Variants in SGCZ observed in about 807,000 individuals in gnomAD.
The protein encoded by SGCZ is zeta-sarcoglycan.
A neutral mutation model predicts 41.3 loss-of-function variants in SGCZ; 40 were observed. The observed-to-expected ratio is 0.97, with a 90% CI of 0.75 to 1.26. The LOEUF (loss-of-function observed/expected upper bound fraction) is 1.26. Among genes scored for constraint, SGCZ ranks in the 50% most tolerant of loss-of-function variants. SGCZ has a pLI of 0.00. For synonymous variants in SGCZ, 206 were observed against 137.5 expected (o/e 1.50, Z -3.49); for missense variants, 552 against 369.8 (o/e 1.49, Z -4.04).
At chr8:14,659,106 A>G (rs1807667496) in intron 1 of SGCZ, among the ~76,000 whole-genome samples, 1 of 152,182 alleles carries the variant, frequency 6.6e-6, no homozygotes, top group Non-Finnish European at 1.5e-5. Flanking sequence ...TTCTGTTAGT[A>G]TTTAAATCAA....
intron 1 of SGCZ, among the ~76,000 whole-genome samples, chr8:14,718,497 C>G (rs1279160033): frequency 2.0e-5 from 3 of 152,128 alleles, no homozygotes; most frequent in African/African-American, 7.2e-5. Flanking sequence ...TCAATGATAA[C>G]TATAAAGAAG....
chr8:14,533,202 T>C (rs1195864413), intron 2 of SGCZ, among the ~76,000 whole-genome samples: 1 of 151,698 alleles, frequency 6.6e-6, no homozygotes, highest in Non-Finnish European at 1.5e-5. Context: ...TATCCAAGTG[T>C]TCTCATTGTT....
intron 1 of SGCZ, among the ~76,000 whole-genome samples, chr8:15,228,409 G>A (rs1286447631): frequency 6.6e-6 from 1 of 152,154 alleles, no homozygotes; most frequent in Non-Finnish European, 1.5e-5. Flanking sequence ...AACTATGACT[G>A]AGGCATCGAC....
intron 2 of SGCZ, among the ~76,000 whole-genome samples, chr8:14,505,651 C>T (rs1390328528): frequency 6.6e-6 from 1 of 152,108 alleles, no homozygotes; most frequent in African/African-American, 2.4e-5. Context: ...TTCTCTAGGA[C>T]AGAATTTAAA....
intron 1 of SGCZ, among the ~76,000 whole-genome samples, chr8:15,133,681 T>G (rs1416195319): frequency 1.3e-5 from 2 of 152,168 alleles, no homozygotes; most frequent in Admixed American, 1.3e-4. Context: ...ATAATGCCCA[T>G]GTAATTTAAC....
Position 14,640,829 on chromosome 8 carries a change from C to A in SGCZ, c.40-85903G>T, listed in dbSNP as rs1807000319. ...TCTCATCTTTTCTGATAGCTGGAGC[C>A]CCTGCAAGTTCTGAATACTCTGGGT... On this transcript the variant is annotated intron_variant, in intron 1 of 7. Coordinates refer to ENST00000382080, the MANE Select transcript of SGCZ (RefSeq NM_139167.4). Among the ~76,000 whole-genome samples the A allele has an allele frequency of 3.3e-5, 5 of 151,702 alleles. No individual in the cohort carries two copies. In the South Asian group the frequency reaches 1.0e-3, roughly 31 times the overall value.
At chr8:14,597,024 C>T (rs565308779) in intron 1 of SGCZ, among the ~76,000 whole-genome samples, 40 of 152,292 alleles carry the variant, frequency 2.6e-4, no homozygotes, top group Middle Eastern at 3.4e-3. Context: ...CAACTCATAA[C>T]TTCCTCAAAA....
chr8:14,410,526 A>T (rs1340339317), intron 2 of SGCZ, among the ~76,000 whole-genome samples: 2 of 139,030 alleles, frequency 1.4e-5, no homozygotes, highest in Non-Finnish European at 3.0e-5. Flanking sequence ...ATGCTGTGTA[A>T]TTCTAAGTTA....
chr8:14,433,403 T>C (rs908481939), intron 2 of SGCZ, among the ~76,000 whole-genome samples: 1 of 152,228 alleles, frequency 6.6e-6, no homozygotes, highest in Admixed American at 6.5e-5. Context: ...GAATTGTTTA[T>C]TGCAATCATT....
In SGCZ at chr8:14,401,557, G is replaced by A. The variant is rs867194007; in HGVS notation, c.235-77353C>T. ...GCGGTGTTTGGTTTTTTGTTCTTGC[G>A]ATAGTTTACTGAGAATGATGATTTC... On this transcript the variant is annotated intron_variant, in intron 2 of 7. Transcript: ENST00000382080. Among the ~76,000 whole-genome samples, 353 of 149,978 alleles carry A rather than the reference G, an allele frequency of 2.4e-3. 3 individuals are homozygous for A. Among genetic ancestry groups the A allele is most frequent in the Middle Eastern group, 3.5e-3 (1 of 288 alleles).
chr8:14,512,580 C>T (rs553247854), intron 2 of SGCZ, among the ~76,000 whole-genome samples: 63 of 152,172 alleles, frequency 4.1e-4, no homozygotes, highest in Non-Finnish European at 7.9e-4. Flanking sequence ...CTGCCTCAGC[C>T]TCCAGAGTAA....
chr8:15,170,740 A>G (rs538100287), intron 1 of SGCZ, among the ~76,000 whole-genome samples: 10 of 152,352 alleles, frequency 6.6e-5, no homozygotes, highest in African/African-American at 2.4e-4. Context: ...GTATCTTTGT[A>G]TATAGTCTTA....
At chr8:14,736,932 T>C (rs1799053458) in intron 1 of SGCZ, among the ~76,000 whole-genome samples, 1 of 151,984 alleles carries the variant, frequency 6.6e-6, no homozygotes, top group Middle Eastern at 3.4e-3. Flanking sequence ...CATGCATGTT[T>C]ATAGCAGCAC....
chr8:14,552,772 G>A (rs1187743467), intron 2 of SGCZ, among the ~76,000 whole-genome samples: 1 of 151,980 alleles, frequency 6.6e-6, no homozygotes, highest in Non-Finnish European at 1.5e-5. Context: ...GGAGTCTGAT[G>A]CATGTAGCCA....
At position 14,648,490 on chromosome 8, in the gene SGCZ, G is replaced by A. The variant is rs1010106368; in HGVS notation, c.40-93564C>T. On this transcript the variant is annotated intron_variant, in intron 1 of 7. Transcript: ENST00000382080. ...TAGTATGTTTAGTACATTGTGACAT[G>A]TTAAGATGAATATATAGTTAAAAGC... Among the ~76,000 whole-genome samples the A allele has an allele frequency of 1.2e-4, 19 of 152,092 alleles. 1 individual carries two copies.
chr8:14,896,820 C>A (rs1805217313), intron 1 of SGCZ, among the ~76,000 whole-genome samples: 1 of 149,890 alleles, frequency 6.7e-6, no homozygotes, highest in South Asian at 2.1e-4. Flanking sequence ...GCTCTGTCAC[C>A]CAGGCTCTGG....
chr8:14,608,404 C>T (rs905859521), intron 1 of SGCZ, among the ~76,000 whole-genome samples: 2 of 151,550 alleles, frequency 1.3e-5, no homozygotes, highest in African/African-American at 4.9e-5. Flanking sequence ...TGCTCAGCTT[C>T]TGGAGAGGCC....
chr8:15,141,891 C>A (rs1446627813), intron 1 of SGCZ, among the ~76,000 whole-genome samples: 2 of 77,786 alleles, frequency 2.6e-5, no homozygotes, highest in Non-Finnish European at 5.5e-5. Flanking sequence ...CAGTGTGAGA[C>A]TCTCAAAAAA....
chr8:14,245,587 T>A (rs1294842219), intron 3 of SGCZ, among the ~76,000 whole-genome samples: 2 of 151,984 alleles, frequency 1.3e-5, no homozygotes, highest in African/African-American at 4.8e-5. Context: ...AAGCCAAAAT[T>A]GACAAATGGG....
Sources: gnomAD v4.1 joint callset for allele counts (sites outside exome capture counted in the v4.1 genomes callset) on GRCh38, gnomAD v4.1.1 for gene constraint, MANE v1.5 for transcripts, NCBI Gene and HGNC (gene_info 2026-07-23, HGNC 2026-07-21) for gene names.